Variants in BMAL2 observed in about 807,000 individuals in gnomAD.
BMAL2 encodes the protein basic helix-loop-helix ARNT-like protein 2.
the BMAL2 span, among the ~76,000 whole-genome samples, chr12:27,404,038 T>C: frequency 6.6e-6 from 1 of 151,644 alleles, no homozygotes; most frequent in South Asian, 2.1e-4. Flanking sequence ...GGTGCACGCC[T>C]ATAGTCCCAG....
chr12:27,389,168 C>T, the BMAL2 span: 1 of 1,538,892 alleles, frequency 6.5e-7, no homozygotes, highest in Admixed American at 1.7e-5. Flanking sequence ...GAATGTCTAC[C>T]TTATGAATAG....
At chr12:27,424,589 C>CACAGGT in the BMAL2 span, 2 of 152,150 alleles carry the variant, frequency 1.3e-5, no homozygotes, top group Non-Finnish European at 2.9e-5. Context: ...AAATCTGGGG[C>CACAGGT]ACAGGTACAA....
the BMAL2 span, among the ~76,000 whole-genome samples, chr12:27,405,286 G>T: frequency 6.6e-6 from 1 of 152,202 alleles, no homozygotes; most frequent in Non-Finnish European, 1.5e-5. Context: ...ATCTGAGAAT[G>T]GACAGACTGC....
chr12:27,354,221 G>A, the BMAL2 span, among the ~76,000 whole-genome samples: 1 of 152,110 alleles, frequency 6.6e-6, no homozygotes, highest in Non-Finnish European at 1.5e-5. Context: ...TACACACCAG[G>A]GAGTGCTACA....
chr12:27,407,156 AC>A, the BMAL2 span, among the ~76,000 whole-genome samples: 93,695 of 151,918 alleles, frequency 0.62, 29,643 homozygotes, highest in Middle Eastern at 0.77. Flanking sequence ...AGACTTTAAC[AC>A]CCCACTGTCA....
the BMAL2 span, among the ~76,000 whole-genome samples, chr12:27,388,990 A>G: frequency 1.3e-5 from 2 of 152,174 alleles, no homozygotes; most frequent in African/African-American, 2.4e-5. Context: ...TTCTATACGC[A>G]TGTATTTTTT....
At chr12:27,417,176 A>T in the BMAL2 span, among the ~76,000 whole-genome samples, 2 of 152,208 alleles carry the variant, frequency 1.3e-5, no homozygotes, top group South Asian at 4.1e-4. Context: ...TCAACTTGAG[A>T]CAATATAGGC....
At chr12:27,394,792 T>C in the BMAL2 span, among the ~76,000 whole-genome samples, 4 of 152,340 alleles carry the variant, frequency 2.6e-5, no homozygotes, top group African/African-American at 9.6e-5. Flanking sequence ...GATGAGGTCA[T>C]GAGGATGAGG....
At chr12:27,405,093 C>T in the BMAL2 span, among the ~76,000 whole-genome samples, 2 of 152,212 alleles carry the variant, frequency 1.3e-5, no homozygotes, top group Non-Finnish European at 2.9e-5. Context: ...GTAAACAAAG[C>T]AGCCGGGAAG....
chr12:27,409,721 A>C, the BMAL2 span, among the ~76,000 whole-genome samples: 1 of 152,126 alleles, frequency 6.6e-6, no homozygotes, highest in Non-Finnish European at 1.5e-5. Context: ...AAGCAATGGC[A>C]ACAAAAGCCA....
chr12:27,384,917 T>G, the BMAL2 span, among the ~76,000 whole-genome samples: 1 of 152,216 alleles, frequency 6.6e-6, no homozygotes, highest in African/African-American at 2.4e-5. Flanking sequence ...TTATAATGTT[T>G]TTATATATAG....
the BMAL2 span, among the ~76,000 whole-genome samples, chr12:27,364,806 T>C: frequency 6.6e-6 from 1 of 152,188 alleles, no homozygotes; most frequent in East Asian, 1.9e-4. Flanking sequence ...TTGGATCTTT[T>C]AAAATGTTTT....
chr12:27,376,386 A>G, the BMAL2 span: 1 of 1,613,818 alleles, frequency 6.2e-7, no homozygotes, highest in Non-Finnish European at 8.5e-7. Context: ...GAAGGCCTTC[A>G]GGTACAATTG....
the BMAL2 span, chr12:27,425,172 G>A: frequency 4.9e-4 from 75 of 151,636 alleles, no homozygotes; most frequent in African/African-American, 1.6e-3. Flanking sequence ...ACTTGTGCTC[G>A]TCTGTATATT....
At chr12:27,369,381 A>C in the BMAL2 span, among the ~76,000 whole-genome samples, 6 of 152,086 alleles carry the variant, frequency 3.9e-5, no homozygotes, top group African/African-American at 1.4e-4. Context: ...AATACACTTT[A>C]TAATTTAGCT....
the BMAL2 span, among the ~76,000 whole-genome samples, chr12:27,346,995 C>T: frequency 2.6e-5 from 4 of 152,340 alleles, no homozygotes; most frequent in African/African-American, 7.2e-5. Flanking sequence ...GATCTCTGCA[C>T]ACTCTGGCTC....
the BMAL2 span, among the ~76,000 whole-genome samples, chr12:27,374,298 A>G: frequency 7.9e-5 from 12 of 152,246 alleles, no homozygotes; most frequent in Admixed American, 2.0e-4. Flanking sequence ...TGTATTGGAC[A>G]TATCCAAACT....
the BMAL2 span, among the ~76,000 whole-genome samples, chr12:27,397,903 C>G: frequency 6.6e-6 from 1 of 152,230 alleles, no homozygotes; most frequent in African/African-American, 2.4e-5. Flanking sequence ...CAGATGCTAT[C>G]TGTCAGTGCC....
At chr12:27,353,601 C>G in the BMAL2 span, among the ~76,000 whole-genome samples, 1 of 152,066 alleles carries the variant, frequency 6.6e-6, no homozygotes, top group Non-Finnish European at 1.5e-5. Context: ...TAAAGAGTTT[C>G]TACACAGCAA....
Sources: gnomAD v4.1 joint callset for allele counts (sites outside exome capture counted in the v4.1 genomes callset) on GRCh38, gnomAD v4.1.1 for gene constraint, MANE v1.5 for transcripts, NCBI Gene and HGNC (gene_info 2026-07-23, HGNC 2026-07-21) for gene names.